The following CD109 variants were observed in gnomAD, a reference collection of about 807,000 sequenced individuals.
CD109 encodes CD109 antigen.
A neutral mutation model predicts 165.8 loss-of-function variants in CD109; 149 were observed. That is an observed-to-expected ratio of 0.90 (90% CI 0.79 to 1.03). CD109 has a LOEUF of 1.03. Among genes scored for constraint, CD109 ranks in the 50% least tolerant of loss-of-function variants. The pLI is 0.00. For missense variants in CD109, 1,712 were observed against 1,677.8 expected (o/e 1.02, Z -0.36); for synonymous variants, 585 against 592.1 (o/e 0.99, Z 0.18).
chr6:73,805,382 G>A (rs1285135106), intron 24 of CD109, among the ~76,000 whole-genome samples: 1 of 152,194 alleles, frequency 6.6e-6, no homozygotes, highest in Non-Finnish European at 1.5e-5. Flanking sequence ...GAGCAGTATT[G>A]CTGCCCGCAT....
the CD109 span, among the ~76,000 whole-genome samples, chr6:73,680,942 C>T: frequency 1.3e-5 from 2 of 152,178 alleles, no homozygotes; most frequent in African/African-American, 2.4e-5. Flanking sequence ...TTTACATCTC[C>T]TTATCCAGGA....
chr6:73,737,704 A>C (rs1399242738), intron 5 of CD109, among the ~76,000 whole-genome samples: 1 of 152,196 alleles, frequency 6.6e-6, no homozygotes, highest in East Asian at 1.9e-4. Flanking sequence ...GAGCTTGTAG[A>C]GAAAGTGGAA....
At chr6:73,732,902 GAT>G in intron 4 of CD109, among the ~76,000 whole-genome samples, 1 of 152,278 alleles carries the variant, frequency 6.6e-6, no homozygotes, top group Admixed American at 6.5e-5. Flanking sequence ...CTCTGGTACT[GAT>G]ATGACTCTCT....
chr6:73,719,158 C>T (rs1425859349), intron 2 of CD109, among the ~76,000 whole-genome samples: 1 of 152,062 alleles, frequency 6.6e-6, no homozygotes, highest in Non-Finnish European at 1.5e-5. Context: ...TTTACACTTG[C>T]TGCTTATTTC....
At chr6:73,727,672 AATTT>A (rs1772192649) in intron 3 of CD109, among the ~76,000 whole-genome samples, 1 of 152,184 alleles carries the variant, frequency 6.6e-6, no homozygotes, top group Admixed American at 6.5e-5. Context: ...CTGTGTCATT[AATTT>A]GACATCAGTC....
intron 3 of CD109, among the ~76,000 whole-genome samples, chr6:73,725,114 A>C (rs1354522015): frequency 6.6e-6 from 1 of 152,242 alleles, no homozygotes; most frequent in African/African-American, 2.4e-5. Flanking sequence ...AAAAGGCATA[A>C]GCAGGCAGAA....
chr6:73,771,665 G>A (rs1205565875), intron 15 of CD109, 84 bp downstream of exon 15: 1 of 940,804 alleles, frequency 1.1e-6, no homozygotes, highest in East Asian at 3.0e-5. Flanking sequence ...AATATTTAAA[G>A]AAAATTTCAT....
chr6:73,694,343 A>G (rs1393799638), upstream of CD109: 1 of 152,316 alleles, frequency 6.6e-6, no homozygotes, highest in East Asian at 1.9e-4. Flanking sequence ...TTGCATGACT[A>G]CGCCTTTCGA....
chr6:73,765,348 G>T (rs923182897), intron 10 of CD109, among the ~76,000 whole-genome samples: 3 of 152,014 alleles, frequency 2.0e-5, no homozygotes, highest in Admixed American at 6.6e-5. Flanking sequence ...TTGGATTTGG[G>T]GGGTGGGGAG....
At chr6:73,740,487 C>G (rs1414309405) in intron 5 of CD109, among the ~76,000 whole-genome samples, 1 of 151,954 alleles carries the variant, frequency 6.6e-6, no homozygotes, top group Non-Finnish European at 1.5e-5. Flanking sequence ...CTGGATTAAT[C>G]TAAATTGTTT....
rs777630625 is a variant in CD109, at chr6:73,810,008, C to G, written c.3380C>G (p.Ser1127Ter). Residue 1127 changes from serine to a stop codon, truncating the protein, a stop_gained, in exon 27 of 33, where the codon TCA becomes TGA. Transcript: ENST00000287097. LOFTEE classifies it high-confidence loss of function. ...GGTGGCATGCAATTCTGGGTGTCATCAGAGTCCAAACTTTCTGACTCCTGG... is the reference window on the plus strand; with the variant it reads ...GGTGGCATGCAATTCTGGGTGTCATGAGAGTCCAAACTTTCTGACTCCTGG... ...QEGGMQFWVS[S>*]ESKLSDSWQP... 6.3e-7 allele frequency: 1 copy of G among 1,592,546 alleles called. No homozygotes were observed. The highest frequency in any genetic ancestry group is 8.5e-7 in the Non-Finnish European group (1 of 1,172,432).
upstream of CD109, among the ~76,000 whole-genome samples, chr6:73,693,333 C>T (rs571308629): frequency 6.3e-4 from 96 of 152,176 alleles, 1 homozygote; most frequent in African/African-American, 2.2e-3. Context: ...AGGTGCCAGG[C>T]TCTTTTTAAC....
chr6:73,680,810 C>G, the CD109 span, among the ~76,000 whole-genome samples: 1 of 152,120 alleles, frequency 6.6e-6, no homozygotes, highest in Non-Finnish European at 1.5e-5. Flanking sequence ...TGTCGTTTGT[C>G]TTCTGAGTTT....
In CD109 at chr6:73,807,454, A is replaced by G. The variant is rs574962767; in HGVS notation, c.3189+382A>G. Among the ~76,000 whole-genome samples the G allele has an allele frequency of 1.5e-3, 222 of 152,214 alleles. 2 individuals carry two copies. Among genetic ancestry groups the G allele is most frequent in the Non-Finnish European group, 2.5e-3 (171 of 68,028 alleles). On this transcript the variant is annotated intron_variant, in intron 25 of 32. Coordinates refer to ENST00000287097, the MANE Select transcript of CD109 (RefSeq NM_133493.5). ...AAGGATTTTTTACTTATAAAACATC[A>G]TGGAACAGTTACAATATCTGTTAAT...
At chr6:73,782,474 A>G in intron 17 of CD109, 140 bp from the exon 18 acceptor site, 2 of 726,056 alleles carry the variant, frequency 2.8e-6, no homozygotes, top group Non-Finnish European at 4.4e-6. Flanking sequence ...TTTTCACTGT[A>G]ACAGAAGGAA....
chr6:73,696,022 G>T, upstream of CD109: 1 of 557,948 alleles, frequency 1.8e-6, no homozygotes, highest in South Asian at 2.1e-5. Flanking sequence ...CCATTGTAAT[G>T]GGGATGGGAG....
At chr6:73,752,379 A>G (rs112416358) in intron 5 of CD109, among the ~76,000 whole-genome samples, 33 of 152,312 alleles carry the variant, frequency 2.2e-4, no homozygotes, top group African/African-American at 7.2e-4. Context: ...CTCAATTTGT[A>G]TTCTAGTCAT....
intron 7 of CD109, among the ~76,000 whole-genome samples, chr6:73,760,370 G>GCAGTCCA (rs1214816562): frequency 2.4e-5 from 3 of 125,348 alleles, no homozygotes; most frequent in Non-Finnish European, 4.7e-5. Context: ...TTGTGCCACT[G>GCAGTCCA]CAGTCCGGCC....
intron 2 of CD109, among the ~76,000 whole-genome samples, chr6:73,701,582 G>A (rs1281828189): frequency 6.6e-6 from 1 of 152,016 alleles, no homozygotes; most frequent in East Asian, 1.9e-4. Context: ...ATCTGTTAAG[G>A]CATATAAAAT....
Sources: allele counts gnomAD v4.1 joint callset (sites outside exome capture counted in the v4.1 genomes callset), GRCh38; gene constraint gnomAD v4.1.1; transcripts MANE v1.5; gene names NCBI Gene and HGNC (gene_info 2026-07-23, HGNC 2026-07-21).